Variants in DCLRE1A observed in about 807,000 individuals in gnomAD.
The protein encoded by DCLRE1A is DNA cross-link repair 1A protein.
In DCLRE1A, 64 loss-of-function variants were observed where a neutral mutation model predicts 91.9. The observed-to-expected ratio is 0.70, with a 90% confidence interval of 0.57 to 0.86. The LOEUF is 0.86. DCLRE1A is among the 40% of genes least tolerant of loss of function. DCLRE1A has a pLI of 0.00. For synonymous variants in DCLRE1A, 416 were observed against 431.1 expected, an observed-to-expected ratio of 0.96 and a Z score of 0.43; for missense variants, 1,145 against 1,213.3, an observed-to-expected ratio of 0.94 and a Z score of 0.84.
chr10:113,843,964 T>C (rs1163785840), intron 5 of DCLRE1A, 140 bp downstream of exon 5: 14 of 1,168,400 alleles, frequency 1.2e-5, no homozygotes, highest in Non-Finnish European at 1.6e-5. Context: ...AGCAAGTATA[T>C]ACATATTTTT....
Position 113,848,963 on chromosome 10 carries a change from T to C in DCLRE1A, c.2125+17A>G, listed in dbSNP as rs778865130. The C allele has an allele frequency of 2.5e-6, 4 of 1,602,498 alleles. No homozygotes were observed. The highest frequency in any genetic ancestry group is 3.4e-6 in the Non-Finnish European group (4 of 1,173,910). ...GTTGTCTTTGTTGATATATCGAGTA[T>C]TGACATTTCAACTTACCAGGTATTT... On this transcript the variant is annotated intron_variant, in intron 2 of 8. Transcript: ENST00000361384.
chr10:113,851,647 T>C (rs981434232), intron 1 of DCLRE1A, among the ~76,000 whole-genome samples: 2 of 152,110 alleles, frequency 1.3e-5, no homozygotes, highest in Non-Finnish European at 2.9e-5. Context: ...TAGGACTCCT[T>C]CACAGTTCCT....
At chr10:113,845,629 G>A in intron 4 of DCLRE1A, 56 bp downstream of exon 4, 1 of 1,288,560 alleles carries the variant, frequency 7.8e-7, no homozygotes, top group Admixed American at 1.7e-5. Flanking sequence ...TCATGCCAAT[G>A]TGTTGTCCTT....
In DCLRE1A at chr10:113,837,369, A is replaced by T. The variant is rs187815107; in HGVS notation, c.2821-166T>A. On this transcript the variant is annotated intron_variant, in intron 7 of 8. Transcript: ENST00000361384. ...TCTAAAAAATAATCACTGAAAAAAA[A>T]ATATATAAAATATTTTCTCCTTTAC... Among the ~76,000 whole-genome samples the T allele has an allele frequency of 4.1e-4, 62 of 151,474 alleles. 1 individual carries two copies. Among genetic ancestry groups the T allele is most frequent in the African/African-American group, 1.2e-3 (47 of 40,792 alleles).
rs372777508 is a variant in DCLRE1A at position 113,844,250 on chromosome 10, C to T, written c.2379-6G>A. 49 of 1,613,280 alleles carry T rather than the reference C, an allele frequency of 3.0e-5. 1 individual carries two copies. Among genetic ancestry groups the T allele is most frequent in the Non-Finnish European group, 2.0e-5 (24 of 1,179,790 alleles). On this transcript the variant is annotated splice_polypyrimidine_tract_variant and splice_region_variant and intron_variant, in intron 4 of 8. Transcript: ENST00000361384. ...TCATGACAGCACCTGGACAGCTGAACACAAATGTCAAAGGAATGTTCATAA... is the reference window on the plus strand; with the variant it reads ...TCATGACAGCACCTGGACAGCTGAATACAAATGTCAAAGGAATGTTCATAA...
In DCLRE1A at chr10:113,850,399, T is replaced by C; in HGVS notation, c.706A>G (p.Lys236Glu). 1 of 1,614,234 alleles carries C rather than the reference T, an allele frequency of 6.2e-7. No homozygotes were observed. The highest frequency in any genetic ancestry group is 8.5e-7 in the Non-Finnish European group (1 of 1,180,042). The stretch of plus-strand genomic sequence containing the variant: ...GCTTCAGTCAGAGACGGAGACTTTT[T>C]AAAATACTGTGTCATCAATAAGGGA... Reference protein sequence around the residue: ...NDPLLMTQYFKKSPSLTEASE... With the variant: ...NDPLLMTQYFEKSPSLTEASE... The change falls in exon 2 of 9, where the codon AAA becomes GAA. Residue 236 changes from lysine to glutamate, a missense_variant. Coordinates refer to ENST00000361384, the MANE Select transcript of DCLRE1A (RefSeq NM_014881.5).
chr10:113,852,661 T>C (rs927912808), intron 1 of DCLRE1A, 62 bp downstream of exon 1: 3 of 1,464,556 alleles, frequency 2.0e-6, no homozygotes, highest in Middle Eastern at 1.8e-4. Context: ...TGAATTGGTA[T>C]GTCTGACCTA....
intron 2 of DCLRE1A, 43 bp from the exon 3 acceptor site, chr10:113,847,378 G>C (rs747383447): frequency 1.1e-5 from 17 of 1,603,990 alleles, no homozygotes; most frequent in Non-Finnish European, 1.4e-5. Context: ...CAAGAGCTAA[G>C]ATACCCAATT....
At chr10:113,838,413 G>A (rs115789632) in intron 7 of DCLRE1A, among the ~76,000 whole-genome samples, 2 of 152,120 alleles carry the variant, frequency 1.3e-5, no homozygotes, top group Non-Finnish European at 2.9e-5. Flanking sequence ...CCATCCAGAA[G>A]AATTAAATGA....
chr10:113,848,967 C>T lies in DCLRE1A; in HGVS notation c.2125+13G>A. 2 of 1,602,198 alleles carry T rather than the reference C, an allele frequency of 1.2e-6. No individual in the cohort carries two copies. The highest frequency in any genetic ancestry group is 1.7e-6 in the Non-Finnish European group (2 of 1,173,478). On this transcript the variant is annotated intron_variant, in intron 2 of 8. Coordinates refer to ENST00000361384, the MANE Select transcript of DCLRE1A (RefSeq NM_014881.5). ...TCTTTGTTGATATATCGAGTATTGA[C>T]ATTTCAACTTACCAGGTATTTTCTT...
rs1845697961 is a variant in DCLRE1A at position 113,853,645 on chromosome 10, A to T, written c.-463T>A. 1 of 154,994 alleles carries T rather than the reference A, an allele frequency of 6.5e-6. No individual in the cohort carries two copies. The highest frequency in any genetic ancestry group is 2.4e-5 in the African/African-American group (1 of 41,476). The allele number at this position is 154,994 out of a possible 1,614,324, so 9.6% of individuals were successfully genotyped here. Reference sequence around the variant, plus strand: ...ACCGTCCAAATAATTCATAAATCCAACCACAGTCCCTGGACAAAGGGCTTA... The same window carrying T: ...ACCGTCCAAATAATTCATAAATCCATCCACAGTCCCTGGACAAAGGGCTTA... On this transcript the variant is annotated 5_prime_UTR_variant, in exon 1 of 9. The change creates a new upstream start codon in the 5' untranslated region. Coordinates refer to ENST00000361384, the MANE Select transcript of DCLRE1A (RefSeq NM_014881.5).
chr10:113,844,596 G>A (rs568411964), intron 4 of DCLRE1A, among the ~76,000 whole-genome samples: 23 of 152,290 alleles, frequency 1.5e-4, no homozygotes, highest in African/African-American at 4.3e-4. Flanking sequence ...CTAGCTTGAC[G>A]CTAACTTTGT....
rs1845696205 is a variant in DCLRE1A, at chr10:113,853,556, C to T, written c.-374G>A. ...CTAATGGCAAATATAGGTTCAACAG[C>T]TTAATCTTAGAACGAGATTTGTAAC... On this transcript the variant is annotated 5_prime_UTR_variant, in exon 1 of 9. Coordinates refer to ENST00000361384, the MANE Select transcript of DCLRE1A (RefSeq NM_014881.5). 6.0e-6 allele frequency: 1 copy of T among 166,070 alleles called. No individual in the cohort carries two copies. Among genetic ancestry groups the T allele is most frequent in the Non-Finnish European group, 1.3e-5 (1 of 77,894 alleles). The allele number at this position is 166,070 out of a possible 1,614,324, so 10.3% of individuals were successfully genotyped here. A position where few individuals can be genotyped will look rare whatever the true frequency, so the allele number is the denominator to read the frequency against.
At chr10:113,847,835 G>GA (rs17228744) in intron 2 of DCLRE1A, among the ~76,000 whole-genome samples, 54 of 150,566 alleles carry the variant, frequency 3.6e-4, no homozygotes, top group South Asian at 1.1e-3. Context: ...TGGGAAACAA[G>GA]AAAAAAAAAT....
Position 113,842,371 on chromosome 10 carries a change from G to C in DCLRE1A, c.2637C>G (p.Tyr879Ter). 1 of 1,613,616 alleles carries C rather than the reference G, an allele frequency of 6.2e-7. No individual in the cohort carries two copies. The highest frequency in any genetic ancestry group is 8.5e-7 in the Non-Finnish European group (1 of 1,179,642). The change falls in exon 6 of 9, where the codon TAC (tyrosine) becomes TAG (stop). Residue 879 changes from tyrosine (Y) to a stop codon, truncating the protein, a stop_gained. Transcript: ENST00000361384. LOFTEE classifies it high-confidence loss of function. The part of the protein sequence containing the change: ...NPHALVVCGT[Y>*]SIGKEKVFLA... ...GGAAGACTTTCTCTTTTCCAATAGA[G>C]TAAGTGCCACAGACAACAAGAGCAT... is the stretch of plus-strand genomic sequence containing the variant.
At chr10:113,843,688 T>C (rs1444141459) in intron 5 of DCLRE1A, among the ~76,000 whole-genome samples, 1 of 152,250 alleles carries the variant, frequency 6.6e-6, no homozygotes, top group Non-Finnish European at 1.5e-5. Context: ...CTGTCACTTA[T>C]AAATTATCTT....
chr10:113,848,411 T>C (rs1845577335), intron 2 of DCLRE1A, among the ~76,000 whole-genome samples: 1 of 152,198 alleles, frequency 6.6e-6, no homozygotes, highest in Non-Finnish European at 1.5e-5. Context: ...TTTACATAAA[T>C]ACATTGAACA....
At chr10:113,836,441 A>C (rs1027758276) in intron 8 of DCLRE1A, among the ~76,000 whole-genome samples, 2 of 152,158 alleles carry the variant, frequency 1.3e-5, no homozygotes, top group African/African-American at 4.8e-5. Flanking sequence ...GCAGGTAAGC[A>C]GATTTGTCCC....
At chr10:113,835,400 G>C in intron 8 of DCLRE1A, 88 bp from the exon 9 acceptor site, 1 of 1,363,630 alleles carries the variant, frequency 7.3e-7, no homozygotes, top group Non-Finnish European at 9.7e-7. Context: ...TAAAACAAAA[G>C]AGAAAAGCAA....
Sources: allele counts gnomAD v4.1 joint callset (sites outside exome capture counted in the v4.1 genomes callset), GRCh38; gene constraint gnomAD v4.1.1; transcripts MANE v1.5; gene names NCBI Gene and HGNC (gene_info 2026-07-23, HGNC 2026-07-21).